Variants in EIF2AK4 observed in about 807,000 individuals in gnomAD.
The protein encoded by EIF2AK4 is eukaryotic translation initiation factor 2 alpha kinase 4.
A neutral mutation model predicts 211.1 loss-of-function variants in EIF2AK4; 139 were observed. The ratio of observed to expected loss-of-function variants is 0.66; its 90% CI spans 0.57 to 0.76. EIF2AK4 has a LOEUF of 0.76. Among genes scored for constraint, EIF2AK4 ranks in the 30% least tolerant of loss-of-function variants. The probability of loss-of-function intolerance (pLI) is 0.00; values close to 1 mark genes in which losing one functional copy is unlikely to be tolerated. For missense variants in EIF2AK4, 1,664 were observed against 2,043.8 expected, an observed-to-expected ratio of 0.81 and a Z score of 3.58; for synonymous variants, 710 against 751.3, an observed-to-expected ratio of 0.94 and a Z score of 0.90.
At position 40,030,397 on chromosome 15, in the gene EIF2AK4, G is replaced by GT. The variant is rs1396187330; in HGVS notation, c.4601dup (p.Ser1535GlufsTer13). 6 of 1,614,152 alleles carry GT rather than the reference G, an allele frequency of 3.7e-6. No homozygotes were observed. The highest frequency in any genetic ancestry group is 5.1e-6 in the Non-Finnish European group (6 of 1,180,016). On this transcript the variant is annotated frameshift_variant, in exon 35 of 39. Coordinates refer to ENST00000263791, the MANE Select transcript of EIF2AK4 (RefSeq NM_001013703.4). LOFTEE classifies it high-confidence loss of function. ...CCATGGAGCAACAGTGGTTCCCATTGTGAGTGTGCTAGCCCCGGAGAAGCT... is the reference window on the plus strand; with the variant it reads ...CCATGGAGCAACAGTGGTTCCCATTGTTGAGTGTGCTAGCCCCGGAGAAGCT...
At chr15:39,981,134 T>G (rs57744925) in intron 13 of EIF2AK4, among the ~76,000 whole-genome samples, 1 of 152,128 alleles carries the variant, frequency 6.6e-6, no homozygotes, top group African/African-American at 2.4e-5. Flanking sequence ...CACTTTGGGA[T>G]GCCAAGGCAG....
At chr15:39,938,071 T>C (rs518770) in intron 1 of EIF2AK4, among the ~76,000 whole-genome samples, 63,989 of 152,096 alleles carry the variant, frequency 0.42, 16,163 homozygotes, top group East Asian at 0.85. Flanking sequence ...AAGTCGTTTG[T>C]TAAGGAGAGC....
chr15:39,999,439 A>G (rs1329053393), intron 20 of EIF2AK4, among the ~76,000 whole-genome samples: 1 of 152,146 alleles, frequency 6.6e-6, no homozygotes, highest in Non-Finnish European at 1.5e-5. Context: ...AGTTTCTCAA[A>G]CTGACTTACT....
intron 20 of EIF2AK4, 99 bp from the exon 21 acceptor site, chr15:40,000,889 C>A: frequency 1.7e-6 from 2 of 1,157,302 alleles, no homozygotes; most frequent in South Asian, 1.4e-5. Flanking sequence ...AGAATAGTGG[C>A]ACCTTTTCTT....
intron 24 of EIF2AK4, among the ~76,000 whole-genome samples, chr15:40,007,733 G>C (rs1365756723): frequency 6.6e-6 from 1 of 152,104 alleles, no homozygotes; most frequent in Non-Finnish European, 1.5e-5. Context: ...CCTATGGTGT[G>C]GGTATCCCTG....
intron 19 of EIF2AK4, among the ~76,000 whole-genome samples, chr15:39,998,257 G>GTTTT (rs752625722): frequency 6.4e-5 from 7 of 109,718 alleles, no homozygotes; most frequent in Non-Finnish European, 7.9e-5. Flanking sequence ...TATGGGTGTG[G>GTTTT]TTTTTTTTTT....
chr15:40,006,963 T>C (rs1014554432), intron 23 of EIF2AK4, 53 bp from the exon 24 acceptor site: 2 of 1,397,404 alleles, frequency 1.4e-6, no homozygotes, highest in South Asian at 1.2e-5. Flanking sequence ...AAAGCCGCTA[T>C]TAACAAAAGG....
intron 23 of EIF2AK4, among the ~76,000 whole-genome samples, chr15:40,005,516 C>CA (rs143018324): frequency 0.017 from 2,543 of 150,222 alleles, 63 homozygotes; most frequent in African/African-American, 0.059. Flanking sequence ...AACAACAAAA[C>CA]AAAAAAACAA....
chr15:39,962,679 A>G (rs1041165605), intron 7 of EIF2AK4, among the ~76,000 whole-genome samples: 1 of 152,204 alleles, frequency 6.6e-6, no homozygotes, highest in African/African-American at 2.4e-5. Flanking sequence ...CCTGCTTGAC[A>G]TATTATACCT....
intron 8 of EIF2AK4, 82 bp downstream of exon 8, chr15:39,965,925 G>A: frequency 6.5e-7 from 1 of 1,549,016 alleles, no homozygotes; most frequent in East Asian, 2.3e-5. Flanking sequence ...CCCTGCATTT[G>A]TTTGCCCTGC....
chr15:39,967,973 A>C, intron 9 of EIF2AK4, 94 bp downstream of exon 9: 2 of 1,292,108 alleles, frequency 1.5e-6, no homozygotes, highest in Non-Finnish European at 2.1e-6. Context: ...GTGGAAGCTG[A>C]GAAGTGAGGA....
chr15:39,972,802 C>A, intron 9 of EIF2AK4, 106 bp from the exon 10 acceptor site: 1 of 813,464 alleles, frequency 1.2e-6, no homozygotes, highest in Non-Finnish European at 2.0e-6. Context: ...AACATGAATT[C>A]TATAATGTGT....
chr15:40,017,221 T>G lies in EIF2AK4; in HGVS notation c.4044T>G (p.Ala1348=). The change falls in exon 29 of 39, where the codon GCT becomes GCG. Residue 1348 remains alanine, a synonymous_variant. Transcript: ENST00000263791. ...GGGCTGTACCTGAAATCCTCGCAGC[T>G]GGAGGCAGATATGACCTGCTGGTGA... ...RQRAVPEILA[A]GGRYDLLIPQ... The G allele has an allele frequency of 1.2e-6, 2 of 1,613,742 alleles. No individual in the cohort carries two copies. The highest frequency in any genetic ancestry group is 1.7e-6 in the Non-Finnish European group (2 of 1,179,690).
At chr15:40,026,161 A>G (rs1003957680) in intron 33 of EIF2AK4, 72 bp downstream of exon 33, 5 of 1,405,612 alleles carry the variant, frequency 3.6e-6, no homozygotes, top group Non-Finnish European at 4.9e-6. Context: ...ATTTATTTTA[A>G]AAGTCAATTT....
intron 26 of EIF2AK4, among the ~76,000 whole-genome samples, chr15:40,010,686 A>G (rs2140939416): frequency 6.6e-6 from 1 of 152,284 alleles, no homozygotes; most frequent in South Asian, 2.1e-4. Context: ...TATTGTTTTT[A>G]TACACCAAAA....
intron 6 of EIF2AK4, among the ~76,000 whole-genome samples, chr15:39,960,054 C>G (rs1373425951): frequency 2.0e-5 from 3 of 151,536 alleles, no homozygotes; most frequent in African/African-American, 7.3e-5. Context: ...GTCCCAGCTA[C>G]TCAGGAGGCT....
intron 7 of EIF2AK4, among the ~76,000 whole-genome samples, chr15:39,965,076 G>A (rs889415943): frequency 3.3e-5 from 5 of 152,176 alleles, no homozygotes; most frequent in African/African-American, 2.4e-5. Context: ...AGGTAGACTC[G>A]TTATGAAAAT....
chr15:39,946,110 C>T (rs889588109), intron 3 of EIF2AK4, among the ~76,000 whole-genome samples: 1 of 152,192 alleles, frequency 6.6e-6, no homozygotes, highest in Non-Finnish European at 1.5e-5. Flanking sequence ...GTAATTTTGA[C>T]TTTCAAGTGT....
Position 39,967,847 on chromosome 15 carries a change from C to T in EIF2AK4, c.1521C>T (p.Asp507=). The T allele has an allele frequency of 6.2e-7, 1 of 1,613,894 alleles. No individual in the cohort carries two copies. The highest frequency in any genetic ancestry group is 2.2e-5 in the East Asian group (1 of 44,886). ...CGEYPVTIPS[D]LPADFQDFLK... ...AGTACCCTGTGACCATCCCTAGTGACTTACCAGCTGACTTTCAAGATTTTC... is the reference window on the plus strand; with the variant it reads ...AGTACCCTGTGACCATCCCTAGTGATTTACCAGCTGACTTTCAAGATTTTC... Residue 507 remains aspartate, a synonymous_variant, in exon 9 of 39, where the codon GAC becomes GAT. Transcript: ENST00000263791.
Sources: gnomAD v4.1 joint callset for allele counts (sites outside exome capture counted in the v4.1 genomes callset) on GRCh38, gnomAD v4.1.1 for gene constraint, MANE v1.5 for transcripts, NCBI Gene and HGNC (gene_info 2026-07-23, HGNC 2026-07-21) for gene names.